The following GOLIM4 variants were observed in gnomAD, a reference collection of about 807,000 sequenced individuals.
GOLIM4 encodes the protein 130 kDa golgi-localized phosphoprotein.
A neutral mutation model predicts 107.4 loss-of-function variants in GOLIM4; 71 were observed. The ratio of observed to expected loss-of-function variants is 0.66; its 90% confidence interval spans 0.55 to 0.81. The LOEUF is 0.81. GOLIM4 is among the 30% of genes least tolerant of loss of function. GOLIM4 has a pLI of 0.00. For missense variants in GOLIM4, 830 were observed against 826.1 expected (o/e 1.00, Z -0.06); for synonymous variants, 327 against 294.8 (o/e 1.11, Z -1.12).
At chr3:168,065,808 T>C (rs901703027) in intron 1 of GOLIM4, among the ~76,000 whole-genome samples, 5 of 152,228 alleles carry the variant, frequency 3.3e-5, no homozygotes, top group Admixed American at 6.5e-5. Context: ...CAACATGTCA[T>C]AGAAAAACTG....
chr3:168,032,921 T>C lies in GOLIM4; in HGVS notation c.844-69A>G. The stretch of plus-strand genomic sequence containing the variant: ...AAAGTAATGATGTAATTTCTTGATT[T>C]CCATGTCTATGGGGCATGGGGCTAC... On this transcript the variant is annotated intron_variant, in intron 8 of 15. Transcript: ENST00000470487. 5.0e-6 allele frequency: 6 copies of C among 1,196,544 alleles called. No homozygotes were observed. In the South Asian group the frequency reaches 7.0e-5, roughly 14 times the overall value. 74.1% of individuals were successfully genotyped at this position (1,196,544 alleles called of 1,614,324 possible).
rs753607285 is a variant in GOLIM4, at chr3:168,010,313, C to T, written c.2047G>A (p.Gly683Arg). ...TGTGATTTCTCAGCAACTGCAGCCCCGTCTTCTTCCTCCTCTTCTTCCTCC... is the reference window on the plus strand; with the variant it reads ...TGTGATTTCTCAGCAACTGCAGCCCTGTCTTCTTCCTCCTCTTCTTCCTCC... ...YEEEEEEEED[G>R]AAVAEKSHRR... The change falls in exon 16 of 16, where the codon GGG becomes AGG. Residue 683 changes from glycine to arginine, a missense_variant. Transcript: ENST00000470487. 8 of 1,613,916 alleles carry T rather than the reference C, an allele frequency of 5.0e-6. No homozygotes were observed. Among genetic ancestry groups the T allele is most frequent in the Non-Finnish European group, 5.9e-6 (7 of 1,179,912 alleles).
intron 3 of GOLIM4, among the ~76,000 whole-genome samples, chr3:168,046,514 T>C (rs1457546011): frequency 6.6e-6 from 1 of 152,174 alleles, no homozygotes; most frequent in African/African-American, 2.4e-5. Flanking sequence ...TTAACGAGCA[T>C]GCTGCCTTCA....
rs1278223169 is a variant in GOLIM4, at chr3:168,043,539, T to C, written c.367-10A>G. 6.3e-7 allele frequency: 1 copy of C among 1,592,106 alleles called. No individual in the cohort carries two copies. The highest frequency in any genetic ancestry group is 8.5e-7 in the Non-Finnish European group (1 of 1,173,298). Reference sequence around the variant, plus strand: ...GCTCCTCGTGTTGGCTCTGCAAAGATGAAAACTTGAGTAGAAATATACATT... The same window carrying C: ...GCTCCTCGTGTTGGCTCTGCAAAGACGAAAACTTGAGTAGAAATATACATT... On this transcript the variant is annotated splice_polypyrimidine_tract_variant and intron_variant, in intron 4 of 15. Transcript: ENST00000470487.
chr3:168,061,927 A>G (rs907240923), intron 1 of GOLIM4, among the ~76,000 whole-genome samples: 2 of 152,174 alleles, frequency 1.3e-5, no homozygotes, highest in Non-Finnish European at 2.9e-5. Flanking sequence ...TTGCTTTGTG[A>G]AAATTCATTG....
chr3:168,021,597 C>T (rs943894282), intron 14 of GOLIM4, among the ~76,000 whole-genome samples: 4 of 151,904 alleles, frequency 2.6e-5, no homozygotes, highest in East Asian at 3.9e-4. Flanking sequence ...ACCCGGAAGG[C>T]GGAGGTTGCA....
intron 1 of GOLIM4, among the ~76,000 whole-genome samples, chr3:168,075,669 C>T (rs1196510208): frequency 6.6e-6 from 1 of 152,102 alleles, no homozygotes; most frequent in African/African-American, 2.4e-5. Flanking sequence ...TGAGCAAGCC[C>T]TGTTCACAAA....
intron 1 of GOLIM4, among the ~76,000 whole-genome samples, chr3:168,074,068 C>G (rs1205470261): frequency 6.6e-6 from 1 of 152,154 alleles, no homozygotes; most frequent in Non-Finnish European, 1.5e-5. Context: ...AAGCCAGCTG[C>G]CATGTTATGA....
intron 2 of GOLIM4, among the ~76,000 whole-genome samples, chr3:168,047,671 A>G (rs1719390615): frequency 6.6e-6 from 1 of 152,246 alleles, no homozygotes; most frequent in Non-Finnish European, 1.5e-5. Context: ...AATAAATATC[A>G]GAATGCAGAT....
rs1186582737 is a variant in GOLIM4 at position 168,029,830 on chromosome 3, C to T, written c.1383G>A (p.Gln461=). The change falls in exon 10 of 16, where the codon CAG becomes CAA. Residue 461 remains glutamine (Q), a synonymous_variant. Transcript: ENST00000470487. ...GGCCCTCCTCAAGCTCAGCCTGCCT[C>T]TGCAGGGCCATCTCTCTTGCCACCT... The part of the protein sequence containing the change: ...QQQVAREMAL[Q]RQAELEEGRP... 9 of 1,614,018 alleles carry T rather than the reference C, an allele frequency of 5.6e-6. No homozygotes were observed. Among genetic ancestry groups the T allele is most frequent in the Non-Finnish European group, 5.9e-6 (7 of 1,180,048 alleles).
chr3:168,085,888 T>C (rs534764188), intron 1 of GOLIM4, among the ~76,000 whole-genome samples: 4 of 152,146 alleles, frequency 2.6e-5, no homozygotes, highest in Middle Eastern at 6.8e-3. Flanking sequence ...GTTGGCTGTG[T>C]TGAGGGCAGG....
At chr3:168,061,090 A>C (rs1374062724) in intron 1 of GOLIM4, among the ~76,000 whole-genome samples, 1 of 150,260 alleles carries the variant, frequency 6.7e-6, no homozygotes, top group Non-Finnish European at 1.5e-5. Flanking sequence ...CCAATAAAGC[A>C]AGCATATTAA....
chr3:168,029,915 G>C lies in GOLIM4; in HGVS notation c.1298C>G (p.Ala433Gly). ...CCCCTGCAGCCTCTGCTGGTGCAAA[G>C]CTTCCTGGTGTTCCCGCAGCTGCTG... ...EAQQLREHQE[A>G]LHQQRLQGHL... Residue 433 changes from alanine to glycine, a missense_variant, in exon 10 of 16, where the codon GCT (alanine) becomes GGT (glycine). Coordinates refer to ENST00000470487, the MANE Select transcript of GOLIM4 (RefSeq NM_014498.5). 1 of 1,614,152 alleles carries C rather than the reference G, an allele frequency of 6.2e-7. No individual in the cohort carries two copies. The highest frequency in any genetic ancestry group is 8.5e-7 in the Non-Finnish European group (1 of 1,180,026).
intron 1 of GOLIM4, among the ~76,000 whole-genome samples, chr3:168,086,937 G>A (rs114919043): frequency 0.011 from 1,676 of 152,284 alleles, 24 homozygotes; most frequent in African/African-American, 0.031. Context: ...CTTGTACTGA[G>A]AGTCAGAGTA....
chr3:168,045,978 C>T (rs551946230), intron 3 of GOLIM4, among the ~76,000 whole-genome samples: 1 of 152,242 alleles, frequency 6.6e-6, no homozygotes, highest in East Asian at 1.9e-4. Flanking sequence ...AACTCCTAGG[C>T]TCAAGTGATC....
At chr3:168,056,616 G>T (rs567487154) in intron 1 of GOLIM4, among the ~76,000 whole-genome samples, 1 of 152,180 alleles carries the variant, frequency 6.6e-6, no homozygotes, top group Non-Finnish European at 1.5e-5. Context: ...CCCACCTCTT[G>T]CATCAGCATG....
intron 1 of GOLIM4, among the ~76,000 whole-genome samples, chr3:168,074,856 A>C (rs944391682): frequency 3.3e-5 from 5 of 152,222 alleles, no homozygotes; most frequent in African/African-American, 4.8e-5. Context: ...ACATCATGCC[A>C]ATAGGTTCTG....
intron 1 of GOLIM4, among the ~76,000 whole-genome samples, chr3:168,055,551 C>A (rs991736803): frequency 1.3e-5 from 2 of 152,108 alleles, no homozygotes; most frequent in African/African-American, 4.8e-5. Context: ...GTAATCCCAG[C>A]ACTTTGGGAG....
At chr3:168,087,448 T>C (rs1577580549) in intron 1 of GOLIM4, among the ~76,000 whole-genome samples, 1 of 152,138 alleles carries the variant, frequency 6.6e-6, no homozygotes, top group East Asian at 1.9e-4. Flanking sequence ...GGAAATAAGT[T>C]TTTCATTATA....
Sources: allele counts gnomAD v4.1 joint callset (sites outside exome capture counted in the v4.1 genomes callset), GRCh38; gene constraint gnomAD v4.1.1; transcripts MANE v1.5; gene names NCBI Gene and HGNC (gene_info 2026-07-23, HGNC 2026-07-21).